GABRB3: variants seen among roughly 807,000 people sequenced by gnomAD.
GABRB3 encodes gamma-aminobutyric acid type A receptor subunit beta3, also known as gamma-aminobutyric acid receptor subunit beta-3.
A neutral mutation model predicts 52.1 loss-of-function variants in GABRB3; 14 were observed. The observed-to-expected ratio is 0.27, with a 90% CI of 0.18 to 0.42. GABRB3 has a LOEUF of 0.42. Ranked by LOEUF, GABRB3 falls within the 10% of genes least tolerant of loss-of-function variation. GABRB3 has a pLI of 1.00. For synonymous variants in GABRB3, 260 were observed against 232.3 expected, an observed-to-expected ratio of 1.12 and a Z score of -1.08; for missense variants, 307 against 609.1, an observed-to-expected ratio of 0.50 and a Z score of 5.22.
At chr15:26,762,059 T>A (rs1004335226) in intron 3 of GABRB3, among the ~76,000 whole-genome samples, 1 of 152,118 alleles carries the variant, frequency 6.6e-6, no homozygotes. Context: ...TATGAACTTC[T>A]GAGTTCAGGT....
intron 3 of GABRB3, among the ~76,000 whole-genome samples, chr15:26,735,981 A>G (rs1890055677): frequency 6.6e-6 from 1 of 151,606 alleles, no homozygotes; most frequent in African/African-American, 2.4e-5. Context: ...AGCCAGTTCT[A>G]AAAACACATA....
intron 3 of GABRB3, among the ~76,000 whole-genome samples, chr15:26,700,535 G>A (rs74004646): frequency 0.039 from 5,888 of 152,156 alleles, 404 homozygotes; most frequent in African/African-American, 0.13. Context: ...ACTGCAGATC[G>A]GTATCCCTCA....
intron 3 of GABRB3, chr15:26,624,902 C>A: frequency 1.0e-6 from 1 of 985,510 alleles, no homozygotes; most frequent in African/African-American, 1.7e-5. Flanking sequence ...GTGGTGAGCA[C>A]TGAGCCAGGA....
chr15:26,678,508 G>A (rs1436517377), intron 3 of GABRB3, among the ~76,000 whole-genome samples: 2 of 151,874 alleles, frequency 1.3e-5, no homozygotes, highest in African/African-American at 2.4e-5. Context: ...GAAAGAAAGA[G>A]AAAGAAAGCC....
rs1566834436 is a variant in GABRB3 at position 26,764,169 on chromosome 15, AAAAAAAAAAAATATATATATATATAT to A, written c.240+8207_240+8232del. On this transcript the variant is annotated intron_variant, in intron 3 of 8. Transcript: ENST00000311550. ...GGTCTCAAAAAAAAAAAAAAAAAAA[AAAAAAAAAAAATATATATATATATAT>A]ATATATATATATATATATATATATA... Among the ~76,000 whole-genome samples, 53 of 24,658 alleles carry A rather than the reference AAAAAAAAAAAATATATATATATATAT, an allele frequency of 2.1e-3. 5 individuals are homozygous for A. Among genetic ancestry groups the A allele is most frequent in the South Asian group, 0.012 (6 of 512 alleles). 16.2% of individuals were successfully genotyped at this position (24,658 alleles called of 152,430 possible). A position where few individuals can be genotyped will look rare whatever the true frequency, so the allele number is the denominator to read the frequency against.
At chr15:26,692,913 AAAAATTTTCCCT>A (rs1200824298) in intron 3 of GABRB3, among the ~76,000 whole-genome samples, 1 of 152,238 alleles carries the variant, frequency 6.6e-6, no homozygotes, top group East Asian at 1.9e-4. Context: ...TCTATTGGAC[AAAAATTTTCCCT>A]AAAGAGCAAA....
At chr15:26,605,028 GAAT>G (rs1383915300) in intron 4 of GABRB3, among the ~76,000 whole-genome samples, 4 of 152,118 alleles carry the variant, frequency 2.6e-5, no homozygotes, top group African/African-American at 9.7e-5. Flanking sequence ...TTTGATAAGA[GAAT>G]AATAGCCAGC....
intron 4 of GABRB3, among the ~76,000 whole-genome samples, chr15:26,588,011 TTTA>T (rs915132563): frequency 1.3e-5 from 2 of 152,116 alleles, no homozygotes; most frequent in Non-Finnish European, 2.9e-5. Flanking sequence ...CTTTCGATTG[TTTA>T]TTTTTTGTTT....
intron 3 of GABRB3, among the ~76,000 whole-genome samples, chr15:26,705,864 G>T (rs897756245): frequency 2.6e-5 from 4 of 152,110 alleles, no homozygotes; most frequent in Non-Finnish European, 4.4e-5. Context: ...TGGACATAAA[G>T]ATGGGAACAA....
At chr15:26,601,268 A>C (rs1891577418) in intron 4 of GABRB3, among the ~76,000 whole-genome samples, 1 of 152,076 alleles carries the variant, frequency 6.6e-6, no homozygotes, top group African/African-American at 2.4e-5. Flanking sequence ...CTAAAAATAC[A>C]AAACTTAGCC....
chr15:26,749,082 G>C (rs1165850815), intron 3 of GABRB3, among the ~76,000 whole-genome samples: 1 of 151,952 alleles, frequency 6.6e-6, no homozygotes, highest in Non-Finnish European at 1.5e-5. Context: ...GTTTGGGTTT[G>C]TTTTGATCTA....
intron 3 of GABRB3, among the ~76,000 whole-genome samples, chr15:26,731,237 T>C (rs1174222387): frequency 1.3e-5 from 2 of 152,182 alleles, no homozygotes; most frequent in African/African-American, 2.4e-5. Flanking sequence ...AACAACAGTA[T>C]AACAAAAATA....
chr15:26,754,496 T>C (rs1490235333), intron 3 of GABRB3, among the ~76,000 whole-genome samples: 2 of 152,196 alleles, frequency 1.3e-5, no homozygotes, highest in African/African-American at 2.4e-5. Context: ...ACAATCAATG[T>C]GGAAAAATCC....
At chr15:26,618,649 C>A (rs1328814018) in intron 4 of GABRB3, among the ~76,000 whole-genome samples, 2 of 152,134 alleles carry the variant, frequency 1.3e-5, no homozygotes, top group Non-Finnish European at 2.9e-5. Flanking sequence ...ATGGCAACAA[C>A]AGCCAAAATT....
At chr15:26,635,218 C>T (rs1281965992) in intron 3 of GABRB3, among the ~76,000 whole-genome samples, 3 of 119,924 alleles carry the variant, frequency 2.5e-5, no homozygotes, top group Admixed American at 2.4e-4. Context: ...ACAAGGCACC[C>T]TCATCTCCAT....
chr15:26,566,126 AT>A (rs547781764), intron 7 of GABRB3, among the ~76,000 whole-genome samples: 4 of 151,936 alleles, frequency 2.6e-5, no homozygotes, highest in African/African-American at 7.3e-5. Flanking sequence ...AGTCCTGGAG[AT>A]TTTTTTTCTT....
chr15:26,708,136 G>A (rs1312109506), intron 3 of GABRB3, among the ~76,000 whole-genome samples: 3 of 152,078 alleles, frequency 2.0e-5, no homozygotes, highest in Non-Finnish European at 4.4e-5. Flanking sequence ...GAAAATTCTG[G>A]AAATACTAGT....
intron 6 of GABRB3, among the ~76,000 whole-genome samples, chr15:26,570,346 G>A (rs1890347832): frequency 1.3e-5 from 2 of 152,170 alleles, no homozygotes; most frequent in Non-Finnish European, 2.9e-5. Context: ...TTTAGACTCC[G>A]TTTCTTGTAA....
chr15:26,716,958 C>G (rs1421197119), intron 3 of GABRB3, among the ~76,000 whole-genome samples: 2 of 139,516 alleles, frequency 1.4e-5, no homozygotes, highest in Admixed American at 7.0e-5. Context: ...CTCTGAGGAC[C>G]TCCACCCAAT....
Sources: allele counts gnomAD v4.1 joint callset (sites outside exome capture counted in the v4.1 genomes callset), GRCh38; gene constraint gnomAD v4.1.1; transcripts MANE v1.5; gene names NCBI Gene and HGNC (gene_info 2026-07-23, HGNC 2026-07-21).